ADAMTSL3: variants seen among roughly 807,000 people sequenced by gnomAD.
The protein encoded by ADAMTSL3 is ADAMTS like 3, also known as ADAMTS-like protein 3.
A neutral mutation model predicts 201.7 loss-of-function variants in ADAMTSL3; 128 were observed. That is an observed-to-expected ratio of 0.63 (90% CI 0.55 to 0.73). ADAMTSL3 has a LOEUF of 0.73. Among genes scored for constraint, ADAMTSL3 ranks in the 30% least tolerant of loss-of-function variants. The pLI is 0.00. For missense variants in ADAMTSL3, 1,990 were observed against 2,119.6 expected, an observed-to-expected ratio of 0.94 and a Z score of 1.20; for synonymous variants, 738 against 748.4, an observed-to-expected ratio of 0.99 and a Z score of 0.23.
chr15:84,038,095 G>T lies in ADAMTSL3; in HGVS notation c.*289G>T. On this transcript the variant is annotated 3_prime_UTR_variant, in exon 30 of 30. Transcript: ENST00000286744. The stretch of plus-strand genomic sequence containing the variant: ...GTCAGTTGAATCGAGAAATCACCAA[G>T]ATTATGAGTGCATCCTCACGTGCTG... 1 of 359,724 alleles carries T rather than the reference G, an allele frequency of 2.8e-6. No individual in the cohort carries two copies. The highest frequency in any genetic ancestry group is 5.0e-6 in the Non-Finnish European group (1 of 200,240). The allele number at this position is 359,724 out of a possible 1,614,324, so 22.3% of individuals were successfully genotyped here. A position where few individuals can be genotyped will look rare whatever the true frequency, so the allele number is the denominator to read the frequency against.
chr15:83,767,487 T>C (rs1350838423), intron 3 of ADAMTSL3, among the ~76,000 whole-genome samples: 1 of 152,192 alleles, frequency 6.6e-6, no homozygotes, highest in African/African-American at 2.4e-5. Context: ...ACAGGGGGAA[T>C]TGGGAGCAGC....
At chr15:84,000,020 G>A (rs1316363775) in intron 23 of ADAMTSL3, among the ~76,000 whole-genome samples, 1 of 151,250 alleles carries the variant, frequency 6.6e-6, no homozygotes, top group African/African-American at 2.4e-5. Flanking sequence ...TTTAATGGTA[G>A]TGATTCTCAT....
At chr15:83,913,808 G>A (rs531493750) in intron 16 of ADAMTSL3, among the ~76,000 whole-genome samples, 1 of 152,300 alleles carries the variant, frequency 6.6e-6, no homozygotes, top group South Asian at 2.1e-4. Context: ...CCAGCACCTA[G>A]GGGAACAAAC....
intron 3 of ADAMTSL3, among the ~76,000 whole-genome samples, chr15:83,707,180 G>C (rs147938115): frequency 6.6e-6 from 1 of 152,120 alleles, no homozygotes; most frequent in Non-Finnish European, 1.5e-5. Flanking sequence ...GTTTTACTTT[G>C]GACAAGTTAC....
At chr15:83,860,340 A>G (rs150026828) in intron 8 of ADAMTSL3, among the ~76,000 whole-genome samples, 3 of 152,226 alleles carry the variant, frequency 2.0e-5, no homozygotes, top group Admixed American at 6.5e-5. Flanking sequence ...GCCGATCAGA[A>G]CAAGCCTTGC....
intron 7 of ADAMTSL3, among the ~76,000 whole-genome samples, chr15:83,838,747 T>C (rs2064322824): frequency 6.6e-6 from 1 of 152,238 alleles, no homozygotes; most frequent in African/African-American, 2.4e-5. Flanking sequence ...TAATTAGAGT[T>C]TCTAAGTTTC....
chr15:83,907,287 AT>A (rs1177751170), intron 15 of ADAMTSL3, among the ~76,000 whole-genome samples: 1 of 152,072 alleles, frequency 6.6e-6, no homozygotes, highest in Non-Finnish European at 1.5e-5. Flanking sequence ...CTATAATTTC[AT>A]TTTTTTAACA....
intron 3 of ADAMTSL3, among the ~76,000 whole-genome samples, chr15:83,712,865 A>G (rs921949595): frequency 6.6e-6 from 1 of 152,174 alleles, no homozygotes; most frequent in Non-Finnish European, 1.5e-5. Context: ...ACTGGACCAT[A>G]TCATTCTTCA....
intron 2 of ADAMTSL3, among the ~76,000 whole-genome samples, chr15:83,695,266 G>T (rs1454478711): frequency 4.2e-3 from 4 of 952 alleles, no homozygotes; most frequent in Non-Finnish European, 0.014. Flanking sequence ...GTGTGTGGTG[G>T]TGGGGTCTTT....
At chr15:83,992,262 T>C (rs1373590819) in intron 23 of ADAMTSL3, among the ~76,000 whole-genome samples, 1 of 152,216 alleles carries the variant, frequency 6.6e-6, no homozygotes. Context: ...CATGATCAGT[T>C]ACTTGCCATG....
chr15:83,736,592 T>A (rs1175385751), intron 3 of ADAMTSL3, among the ~76,000 whole-genome samples: 1 of 152,196 alleles, frequency 6.6e-6, no homozygotes, highest in Non-Finnish European at 1.5e-5. Flanking sequence ...TGGAAGCCAT[T>A]CTGAGAAGTC....
At chr15:83,869,880 T>C (rs2065049923) in intron 8 of ADAMTSL3, among the ~76,000 whole-genome samples, 1 of 152,032 alleles carries the variant, frequency 6.6e-6, no homozygotes, top group Non-Finnish European at 1.5e-5. Flanking sequence ...GGCAGAAAGT[T>C]AGAGAAAAAT....
chr15:83,986,749 G>A (rs1255519373), intron 21 of ADAMTSL3, among the ~76,000 whole-genome samples: 1 of 152,216 alleles, frequency 6.6e-6, no homozygotes, highest in Admixed American at 6.5e-5. Context: ...ATGGAGTACT[G>A]TTCGGATGAC....
intron 4 of ADAMTSL3, among the ~76,000 whole-genome samples, chr15:83,776,997 G>A (rs954002706): frequency 5.3e-5 from 8 of 152,222 alleles, no homozygotes; most frequent in African/African-American, 1.9e-4. Context: ...GGTGGGCACA[G>A]AGTCAGCCAG....
intron 17 of ADAMTSL3, among the ~76,000 whole-genome samples, chr15:83,927,269 A>T (rs1387223931): frequency 6.6e-6 from 1 of 152,070 alleles, no homozygotes; most frequent in Non-Finnish European, 1.5e-5. Context: ...GGCATATGCC[A>T]CCACACCCAG....
At chr15:83,889,595 G>A (rs2141883556) in intron 10 of ADAMTSL3, among the ~76,000 whole-genome samples, 1 of 152,256 alleles carries the variant, frequency 6.6e-6, no homozygotes, top group African/African-American at 2.4e-5. Context: ...GTGTGTTGCG[G>A]GGATTGGAAT....
chr15:84,013,577 G>A (rs942754358), intron 23 of ADAMTSL3, among the ~76,000 whole-genome samples: 8 of 152,050 alleles, frequency 5.3e-5, no homozygotes, highest in African/African-American at 9.7e-5. Flanking sequence ...AGTTCAAGAC[G>A]ACCCTGAGGA....
At chr15:84,009,675 T>C (rs376692622) in intron 23 of ADAMTSL3, among the ~76,000 whole-genome samples, 7 of 152,340 alleles carry the variant, frequency 4.6e-5, no homozygotes, top group African/African-American at 1.7e-4. Context: ...ACATTCATAA[T>C]TGATAGAAGT....
intron 2 of ADAMTSL3, among the ~76,000 whole-genome samples, chr15:83,699,386 G>T (rs145008002): frequency 6.6e-6 from 1 of 152,092 alleles, no homozygotes; most frequent in African/African-American, 2.4e-5. Context: ...AGTCACCCTT[G>T]ATTCCTCCCT....
Sources: allele counts gnomAD v4.1 joint callset (sites outside exome capture counted in the v4.1 genomes callset), GRCh38; gene constraint gnomAD v4.1.1; transcripts MANE v1.5; gene names NCBI Gene and HGNC (gene_info 2026-07-23, HGNC 2026-07-21).